The following ANGPT1 variants were observed in gnomAD, a reference collection of about 807,000 sequenced individuals.
ANGPT1 encodes the protein angiopoietin-1.
A neutral mutation model predicts 62.2 loss-of-function variants in ANGPT1; 17 were observed. The ratio of observed to expected loss-of-function variants is 0.27; its 90% confidence interval spans 0.19 to 0.41. ANGPT1 has a LOEUF of 0.41. Ranked by LOEUF, ANGPT1 falls within the 10% of genes least tolerant of loss-of-function variation. The pLI, the probability that ANGPT1 is intolerant of heterozygous loss-of-function variation, is 1.00. For synonymous variants in ANGPT1, 199 were observed against 198.9 expected (o/e 1.00, Z 0.00); for missense variants, 478 against 594.9 (o/e 0.80, Z 2.04).
At chr8:107,436,230 G>A (rs1261250993) in intron 1 of ANGPT1, among the ~76,000 whole-genome samples, 1 of 152,166 alleles carries the variant, frequency 6.6e-6, no homozygotes, top group East Asian at 1.9e-4. Flanking sequence ...TAGAAGCAGA[G>A]CATGTGAATC....
chr8:107,264,773 C>T (rs1326545067), intron 7 of ANGPT1, among the ~76,000 whole-genome samples: 1 of 152,106 alleles, frequency 6.6e-6, no homozygotes, highest in Non-Finnish European at 1.5e-5. Flanking sequence ...TCCTCTGTGC[C>T]AGGCACTATG....
intron 3 of ANGPT1, among the ~76,000 whole-genome samples, chr8:107,323,915 G>A (rs1445560014): frequency 1.3e-5 from 2 of 151,974 alleles, no homozygotes; most frequent in African/African-American, 4.8e-5. Flanking sequence ...GAGTAGTTGG[G>A]ACTACAGGCG....
chr8:107,300,057 A>ATCTAGATATAACTATATATATAGTTATC (rs1814546784), intron 5 of ANGPT1, among the ~76,000 whole-genome samples: 1 of 143,286 alleles, frequency 7.0e-6, no homozygotes, highest in African/African-American at 2.5e-5. Flanking sequence ...ATATAGTTAT[A>ATCTAGATATAACTATATATATAGTTATC]TCTAGATATA....
intron 1 of ANGPT1, among the ~76,000 whole-genome samples, chr8:107,353,496 C>T (rs1281473152): frequency 6.6e-6 from 1 of 152,174 alleles, no homozygotes; most frequent in African/African-American, 2.4e-5. Flanking sequence ...CTTTCGCCAA[C>T]TCATGCTCCA....
At position 107,315,088 on chromosome 8, in the gene ANGPT1, A is replaced by G. The variant is rs570032603; in HGVS notation, c.808+6808T>C. Among the ~76,000 whole-genome samples, 150 of 152,286 alleles carry G rather than the reference A, an allele frequency of 9.8e-4. 2 individuals are homozygous for G. The highest frequency in any genetic ancestry group is 3.5e-3 in the African/African-American group (144 of 41,554). ...AGCAAATGCCTCATTTCCCCCTTTAAGAAGACTAGAGGACCCATAATAATG... is the reference window on the plus strand; with the variant it reads ...AGCAAATGCCTCATTTCCCCCTTTAGGAAGACTAGAGGACCCATAATAATG... On this transcript the variant is annotated intron_variant, in intron 4 of 8. Transcript: ENST00000517746.
intron 5 of ANGPT1, among the ~76,000 whole-genome samples, chr8:107,299,345 G>A (rs1814497017): frequency 7.1e-6 from 1 of 141,304 alleles, no homozygotes; most frequent in African/African-American, 2.6e-5. Flanking sequence ...AGGGATAATG[G>A]GAGTCTCTAT....
At chr8:107,495,257 A>G (rs1349976360) in intron 1 of ANGPT1, among the ~76,000 whole-genome samples, 1 of 152,194 alleles carries the variant, frequency 6.6e-6, no homozygotes, top group East Asian at 1.9e-4. Flanking sequence ...ACTCATACCA[A>G]TAGGGACGTT....
At chr8:107,288,433 A>T (rs1563551712) in intron 6 of ANGPT1, among the ~76,000 whole-genome samples, 1 of 152,142 alleles carries the variant, frequency 6.6e-6, no homozygotes, top group Non-Finnish European at 1.5e-5. Flanking sequence ...GTATTATACC[A>T]TGCTAATAAG....
chr8:107,257,891 G>GTTTTTTTTTTTTTTTTTTTTTTT (rs1554576258), intron 8 of ANGPT1, among the ~76,000 whole-genome samples: 1 of 107,790 alleles, frequency 9.3e-6, no homozygotes, highest in Non-Finnish European at 1.9e-5. Context: ...TTTTTTGTTT[G>GTTTTTTTTTTTTTTTTTTTTTTT]TTTGTTTGTT....
chr8:107,435,142 T>C (rs150771076), intron 1 of ANGPT1, among the ~76,000 whole-genome samples: 296 of 152,286 alleles, frequency 1.9e-3, no homozygotes, highest in African/African-American at 6.7e-3. Context: ...AGGGATCCTT[T>C]AGAGTGACAG....
intron 1 of ANGPT1, among the ~76,000 whole-genome samples, chr8:107,387,491 T>C (rs114594323): frequency 1.8e-3 from 270 of 152,178 alleles, no homozygotes; most frequent in African/African-American, 6.1e-3. Flanking sequence ...TAACAGTTTA[T>C]ACTTGTTGAT....
At chr8:107,358,272 C>A (rs1194894974) in intron 1 of ANGPT1, among the ~76,000 whole-genome samples, 1 of 152,072 alleles carries the variant, frequency 6.6e-6, no homozygotes, top group African/African-American at 2.4e-5. Context: ...ATTTAAATTA[C>A]CCTTGGTCCA....
At chr8:107,473,047 T>C (rs1812403976) in intron 1 of ANGPT1, among the ~76,000 whole-genome samples, 2 of 152,056 alleles carry the variant, frequency 1.3e-5, no homozygotes, top group Non-Finnish European at 2.9e-5. Context: ...TGAATAAGAC[T>C]TCATGACATA....
At chr8:107,310,862 C>T (rs1179038214) in intron 4 of ANGPT1, among the ~76,000 whole-genome samples, 1 of 152,056 alleles carries the variant, frequency 6.6e-6, no homozygotes, top group African/African-American at 2.4e-5. Flanking sequence ...TTGCTAGAAG[C>T]TTCAAAGACA....
In ANGPT1 at chr8:107,293,916, C is replaced by T; in HGVS notation, c.1038+20G>A. ...TTCAAGATAAAACACCAAAAAGCAC[C>T]ATAAATTCTTGCATCTTACCATTTT... On this transcript the variant is annotated intron_variant, in intron 6 of 8. Coordinates refer to ENST00000517746, the MANE Select transcript of ANGPT1 (RefSeq NM_001146.5). The T allele has an allele frequency of 6.3e-7, 1 of 1,585,666 alleles. No individual in the cohort carries two copies. The highest frequency in any genetic ancestry group is 8.6e-7 in the Non-Finnish European group (1 of 1,158,334).
At chr8:107,370,396 GAA>G (rs796177926) in intron 1 of ANGPT1, among the ~76,000 whole-genome samples, 2 of 62,208 alleles carry the variant, frequency 3.2e-5, no homozygotes, top group African/African-American at 8.1e-5. Flanking sequence ...AAGAAAGAAA[GAA>G]AGAAAGAAAG....
chr8:107,299,618 T>C (rs965064629), intron 5 of ANGPT1, among the ~76,000 whole-genome samples: 17 of 139,456 alleles, frequency 1.2e-4, no homozygotes, highest in African/African-American at 3.6e-4. Context: ...ATATTATATA[T>C]CTATATATAG....
At chr8:107,450,531 T>C (rs1246724524) in intron 1 of ANGPT1, among the ~76,000 whole-genome samples, 1 of 151,954 alleles carries the variant, frequency 6.6e-6, no homozygotes, top group Non-Finnish European at 1.5e-5. Flanking sequence ...CTCCCCAGTT[T>C]GGATCGGAAT....
intron 2 of ANGPT1, among the ~76,000 whole-genome samples, chr8:107,344,048 G>A (rs1468677879): frequency 6.6e-6 from 1 of 152,050 alleles, no homozygotes; most frequent in African/African-American, 2.4e-5. Context: ...GTGACAGAGT[G>A]AGACCCTATC....
Sources: gnomAD v4.1 joint callset for allele counts (sites outside exome capture counted in the v4.1 genomes callset) on GRCh38, gnomAD v4.1.1 for gene constraint, MANE v1.5 for transcripts, NCBI Gene and HGNC (gene_info 2026-07-23, HGNC 2026-07-21) for gene names.